Variants in HS6ST3 observed in about 807,000 individuals in gnomAD.
HS6ST3 encodes the protein heparan sulfate 6-O-sulfotransferase 3.
HS6ST3 carries 12 observed loss-of-function variants against 36.7 expected under a neutral mutation model. The ratio of observed to expected loss-of-function variants is 0.33; its 90% CI spans 0.21 to 0.53. The LOEUF (loss-of-function observed/expected upper bound fraction) is 0.53. HS6ST3 is among the 20% of genes least tolerant of loss of function. The pLI is 0.95. For missense variants in HS6ST3, 584 were observed against 640.9 expected, an observed-to-expected ratio of 0.91 and a Z score of 0.96; for synonymous variants, 240 against 257.5, an observed-to-expected ratio of 0.93 and a Z score of 0.65.
At chr13:96,578,775 G>C (rs1333798977) in intron 1 of HS6ST3, among the ~76,000 whole-genome samples, 1 of 152,054 alleles carries the variant, frequency 6.6e-6, no homozygotes, top group Non-Finnish European at 1.5e-5. Context: ...GGCCAGGCTG[G>C]TCTTGAATTC....
chr13:96,404,220 T>G (rs4142189), intron 1 of HS6ST3, among the ~76,000 whole-genome samples: 77,012 of 151,888 alleles, frequency 0.51, 19,858 homozygotes, highest in Middle Eastern at 0.6. Context: ...TCACATTTTA[T>G]TTTTGGAGAA....
At chr13:96,196,637 A>C (rs1001246512) in intron 1 of HS6ST3, among the ~76,000 whole-genome samples, 32 of 152,192 alleles carry the variant, frequency 2.1e-4, no homozygotes, top group African/African-American at 7.2e-4. Flanking sequence ...TGTAGCTCAG[A>C]GCAGGGGCTT....
At chr13:96,183,780 G>A (rs2054251668) in intron 1 of HS6ST3, among the ~76,000 whole-genome samples, 1 of 152,182 alleles carries the variant, frequency 6.6e-6, no homozygotes, top group African/African-American at 2.4e-5. Context: ...AGGGAGAATG[G>A]GGAGTTAGTG....
intron 1 of HS6ST3, among the ~76,000 whole-genome samples, chr13:96,707,343 C>T (rs1405910063): frequency 6.6e-6 from 1 of 152,152 alleles, no homozygotes. Context: ...TGCTGGCACC[C>T]TGATCTCAGA....
intron 1 of HS6ST3, among the ~76,000 whole-genome samples, chr13:96,563,097 A>G (rs1343906176): frequency 6.6e-6 from 1 of 151,836 alleles, no homozygotes; most frequent in Non-Finnish European, 1.5e-5. Flanking sequence ...TTCAACCTAT[A>G]CCATATTTTC....
intron 1 of HS6ST3, among the ~76,000 whole-genome samples, chr13:96,655,925 A>T (rs1004602102): frequency 6.6e-6 from 1 of 152,108 alleles, no homozygotes; most frequent in Admixed American, 6.6e-5. Context: ...GGCTGGGTGT[A>T]GTTCATGATA....
At chr13:96,757,742 CT>C (rs1440929654) in intron 1 of HS6ST3, among the ~76,000 whole-genome samples, 1 of 151,792 alleles carries the variant, frequency 6.6e-6, no homozygotes, top group Non-Finnish European at 1.5e-5. Context: ...AATTTTTCTC[CT>C]TTTTTTAATG....
chr13:96,314,545 A>C (rs2054958629), intron 1 of HS6ST3, among the ~76,000 whole-genome samples: 1 of 152,174 alleles, frequency 6.6e-6, no homozygotes, highest in Admixed American at 6.6e-5. Context: ...TTCTATTCCC[A>C]ATAGATAAAG....
chr13:96,261,700 T>C (rs1250893626), intron 1 of HS6ST3, among the ~76,000 whole-genome samples: 4 of 152,152 alleles, frequency 2.6e-5, no homozygotes, highest in Admixed American at 2.6e-4. Flanking sequence ...AGTTGAACTT[T>C]AGAGTCTTTA....
intron 1 of HS6ST3, among the ~76,000 whole-genome samples, chr13:96,675,375 TTA>T (rs1308508230): frequency 2.0e-5 from 3 of 152,116 alleles, no homozygotes; most frequent in Non-Finnish European, 2.9e-5. Flanking sequence ...AAATATATAT[TTA>T]TGTCATATTT....
intron 1 of HS6ST3, among the ~76,000 whole-genome samples, chr13:96,564,052 C>T (rs965443998): frequency 2.6e-5 from 4 of 152,124 alleles, no homozygotes; most frequent in African/African-American, 9.7e-5. Flanking sequence ...TTTTCAGTCC[C>T]CCTCAATAAG....
At chr13:96,409,966 G>C (rs374802312) in intron 1 of HS6ST3, among the ~76,000 whole-genome samples, 12 of 152,214 alleles carry the variant, frequency 7.9e-5, no homozygotes, top group African/African-American at 2.2e-4. Context: ...ACCCCGAGCA[G>C]TATGCCAGTA....
rs1876884778 is a variant in HS6ST3 at position 96,758,368 on chromosome 13, C to A, written c.708-74122C>A. Among the ~76,000 whole-genome samples, 5 of 151,922 alleles carry A rather than the reference C, an allele frequency of 3.3e-5. No individual in the cohort carries two copies. In the South Asian group the frequency reaches 1.0e-3, roughly 32 times the overall value. On this transcript the variant is annotated intron_variant, in intron 1 of 1. Coordinates refer to ENST00000376705, the MANE Select transcript of HS6ST3 (RefSeq NM_153456.4). ...TTTTAACAAACGTATTTCAAAGAAC[C>A]AAATTTTAGCTTACTTAATTCCATC...
intron 1 of HS6ST3, among the ~76,000 whole-genome samples, chr13:96,753,432 T>C (rs1242246415): frequency 1.3e-5 from 2 of 152,184 alleles, no homozygotes; most frequent in Non-Finnish European, 2.9e-5. Context: ...ATGATCTACA[T>C]CTTTTATTAA....
chr13:96,827,545 G>A (rs1878675191), intron 1 of HS6ST3, among the ~76,000 whole-genome samples: 1 of 141,284 alleles, frequency 7.1e-6, no homozygotes, highest in Non-Finnish European at 1.6e-5. Context: ...TAGCCACTCA[G>A]ATTCAGAACC....
intron 1 of HS6ST3, among the ~76,000 whole-genome samples, chr13:96,739,394 A>G (rs1303008435): frequency 1.3e-5 from 2 of 152,000 alleles, no homozygotes; most frequent in Non-Finnish European, 2.9e-5. Flanking sequence ...TGGTGTATCC[A>G]ACTGCCTACT....
intron 1 of HS6ST3, among the ~76,000 whole-genome samples, chr13:96,512,609 T>C (rs967448703): frequency 2.0e-4 from 30 of 152,172 alleles, no homozygotes; most frequent in African/African-American, 6.0e-4. Flanking sequence ...TAGGGAATCA[T>C]GAATTATTTT....
chr13:96,329,441 C>A (rs1169346836), intron 1 of HS6ST3, among the ~76,000 whole-genome samples: 1 of 144,528 alleles, frequency 6.9e-6, no homozygotes, highest in Non-Finnish European at 1.5e-5. Context: ...CGTTATGTAC[C>A]CAGTAGTCAT....
intron 1 of HS6ST3, among the ~76,000 whole-genome samples, chr13:96,313,921 C>A (rs917122112): frequency 2.0e-5 from 3 of 152,128 alleles, no homozygotes; most frequent in Non-Finnish European, 4.4e-5. Context: ...CTCCCCAAGG[C>A]CGTAAGTGGT....
Sources: gnomAD v4.1 joint callset for allele counts (sites outside exome capture counted in the v4.1 genomes callset) on GRCh38, gnomAD v4.1.1 for gene constraint, MANE v1.5 for transcripts, NCBI Gene and HGNC (gene_info 2026-07-23, HGNC 2026-07-21) for gene names.